Variants in ART3 observed in about 807,000 individuals in gnomAD.
The protein encoded by ART3 is ADP-ribosyltransferase 3 (inactive), also known as ecto-ADP-ribosyltransferase 3.
In ART3, 49 loss-of-function variants were observed where a neutral mutation model predicts 48.5. The ratio of observed to expected loss-of-function variants is 1.01; its 90% CI spans 0.80 to 1.28. The LOEUF (loss-of-function observed/expected upper bound fraction) is 1.28, where lower values mean the gene tolerates loss of function less well. Among genes scored for constraint, ART3 ranks in the 50% most tolerant of loss-of-function variants. The pLI, the probability that ART3 is intolerant of heterozygous loss-of-function variation, is 0.00. For missense variants in ART3, 438 were observed against 454.3 expected (o/e 0.96, Z 0.33); for synonymous variants, 145 against 157.2 (o/e 0.92, Z 0.58).
At chr4:76,011,365 G>C (rs943055095) in intron 1 of ART3, 2 of 152,696 alleles carry the variant, frequency 1.3e-5, no homozygotes, top group Admixed American at 6.5e-5. Context: ...TCCCCTGAGC[G>C]GCCCGCAGCC....
intron 1 of ART3, among the ~76,000 whole-genome samples, chr4:76,029,133 A>G (rs944364287): frequency 6.6e-6 from 1 of 152,052 alleles, no homozygotes; most frequent in African/African-American, 2.4e-5. Flanking sequence ...ATTTTAATTG[A>G]TTCATCATTG....
At chr4:76,065,189 T>C (rs5005109) in intron 1 of ART3, among the ~76,000 whole-genome samples, 89,148 of 151,994 alleles carry the variant, frequency 0.59, 27,002 homozygotes, top group East Asian at 0.94. Flanking sequence ...TGAGGTGCAC[T>C]TCTTAACACC....
chr4:76,071,512 A>G (rs78046451), upstream of ART3, among the ~76,000 whole-genome samples: 730 of 152,088 alleles, frequency 4.8e-3, 2 homozygotes, highest in African/African-American at 0.015. Flanking sequence ...AATGTCTCCA[A>G]TTCCTCTTTT....
At chr4:76,065,058 C>T (rs1719592441) in intron 1 of ART3, among the ~76,000 whole-genome samples, 1 of 152,090 alleles carries the variant, frequency 6.6e-6, no homozygotes, top group Non-Finnish European at 1.5e-5. Context: ...TCTCGAACTC[C>T]TGAGCTCAAG....
At chr4:76,092,221 T>C (rs139563017) in intron 3 of ART3, among the ~76,000 whole-genome samples, 1 of 152,310 alleles carries the variant, frequency 6.6e-6, no homozygotes, top group East Asian at 1.9e-4. Flanking sequence ...AATATACTTT[T>C]CCAACTCATG....
intron 1 of ART3, among the ~76,000 whole-genome samples, chr4:76,028,415 T>C (rs900924870): frequency 1.1e-4 from 17 of 152,252 alleles, no homozygotes; most frequent in African/African-American, 3.6e-4. Flanking sequence ...TCAGTCGCTA[T>C]TGATTTATCT....
chr4:76,035,470 TAACAC>T (rs1320222250), intron 1 of ART3: 1 of 877,686 alleles, frequency 1.1e-6, no homozygotes, highest in Non-Finnish European at 1.7e-6. Flanking sequence ...AAATAGCACT[TAACAC>T]AACTGTTACT....
intron 1 of ART3, among the ~76,000 whole-genome samples, chr4:76,069,453 T>C (rs925543506): frequency 6.9e-6 from 1 of 144,406 alleles, no homozygotes; most frequent in Non-Finnish European, 1.5e-5. Flanking sequence ...GCGGTGGCAC[T>C]ATCTCAGCTC....
At chr4:76,056,178 A>G (rs1356690836) in intron 1 of ART3, among the ~76,000 whole-genome samples, 1 of 152,128 alleles carries the variant, frequency 6.6e-6, no homozygotes, top group Admixed American at 6.5e-5. Flanking sequence ...GTTCTAAATT[A>G]TTTCTCAGAG....
intron 9 of ART3, 52 bp from the exon 10 acceptor site, chr4:76,104,545 T>C (rs1728048667): frequency 1.3e-6 from 2 of 1,551,140 alleles, no homozygotes; most frequent in Admixed American, 2.0e-5. Context: ...AGTTTGAAAA[T>C]TATACTCAGT....
At chr4:76,071,323 G>A (rs1359277259), upstream of ART3, among the ~76,000 whole-genome samples, 1 of 151,120 alleles carries the variant, frequency 6.6e-6, no homozygotes, top group African/African-American at 2.4e-5. Flanking sequence ...AGCTGAGATC[G>A]TGCCACTGCA....
intron 1 of ART3, among the ~76,000 whole-genome samples, chr4:76,061,355 A>G (rs1037778464): frequency 2.6e-5 from 4 of 152,156 alleles, no homozygotes; most frequent in African/African-American, 7.2e-5. Context: ...ACACATCCCT[A>G]TGCTATATAA....
At chr4:76,026,075 C>A (rs896385770) in intron 1 of ART3, among the ~76,000 whole-genome samples, 1 of 151,916 alleles carries the variant, frequency 6.6e-6, no homozygotes, top group Admixed American at 6.6e-5. Flanking sequence ...ATTTGTCCAA[C>A]CTCATATCAT....
At chr4:76,098,925 C>A in intron 4 of ART3, 30 bp from the exon 5 acceptor site, 1 of 1,575,498 alleles carries the variant, frequency 6.3e-7, no homozygotes, top group Non-Finnish European at 8.7e-7. Context: ...GAGCATAGTA[C>A]CATGTAATGA....
chr4:76,073,536 T>C (rs563566993), upstream of ART3, among the ~76,000 whole-genome samples: 1 of 152,328 alleles, frequency 6.6e-6, no homozygotes, highest in African/African-American at 2.4e-5. Flanking sequence ...TATTTCATGA[T>C]AATTTAAAAT....
At chr4:76,040,240 G>A (rs569842651) in intron 1 of ART3, among the ~76,000 whole-genome samples, 8 of 152,204 alleles carry the variant, frequency 5.3e-5, no homozygotes, top group African/African-American at 1.7e-4. Context: ...CAGGAGAATC[G>A]CTTGAACCCA....
intron 1 of ART3, chr4:76,035,946 C>G (rs1734356332): frequency 6.2e-7 from 1 of 1,613,584 alleles, no homozygotes; most frequent in African/African-American, 1.3e-5. Flanking sequence ...CTGTAGCACA[C>G]AATATCACAG....
chr4:76,027,805 C>T (rs1375297088), intron 1 of ART3, among the ~76,000 whole-genome samples: 5 of 141,918 alleles, frequency 3.5e-5, no homozygotes, highest in South Asian at 4.7e-4. Context: ...GTGATAATGC[C>T]GTGTTAGGAT....
At chr4:76,020,128 T>C (rs1011632659) in intron 1 of ART3, among the ~76,000 whole-genome samples, 1 of 151,774 alleles carries the variant, frequency 6.6e-6, no homozygotes, top group Non-Finnish European at 1.5e-5. Context: ...TTTTTTTTCT[T>C]CTTTTTTTTT....
Sources: gnomAD v4.1 joint callset for allele counts (sites outside exome capture counted in the v4.1 genomes callset) on GRCh38, gnomAD v4.1.1 for gene constraint, MANE v1.5 for transcripts, NCBI Gene and HGNC (gene_info 2026-07-23, HGNC 2026-07-21) for gene names.